The following GSE1 variants were observed in gnomAD, a reference collection of about 807,000 sequenced individuals.
GSE1 encodes genetic suppressor element 1.
Under a neutral mutation model 112.6 loss-of-function variants are expected in GSE1, and 32 were observed. The observed-to-expected ratio is 0.28, with a 90% CI of 0.21 to 0.38. The LOEUF is 0.38. GSE1 is among the 10% of genes least tolerant of loss of function. The probability of loss-of-function intolerance (pLI) is 1.00; values close to 1 mark genes in which losing one functional copy is unlikely to be tolerated. For synonymous variants in GSE1, 1,115 were observed against 735.6 expected, an observed-to-expected ratio of 1.52 and a Z score of -8.35; for missense variants, 2,348 against 1,699.2, an observed-to-expected ratio of 1.38 and a Z score of -6.71.
intron 1 of GSE1, among the ~76,000 whole-genome samples, chr16:85,292,625 C>A (rs1329808501): frequency 6.6e-6 from 1 of 152,076 alleles, no homozygotes; most frequent in Non-Finnish European, 1.5e-5. Context: ...CTGTGCCTGG[C>A]CTAATTTTTG....
At chr16:85,238,497 CCTG>C (rs1225864285) in intron 1 of GSE1, among the ~76,000 whole-genome samples, 1 of 152,126 alleles carries the variant, frequency 6.6e-6, no homozygotes, top group Non-Finnish European at 1.5e-5. Context: ...TGAGGGCCGC[CCTG>C]GCCTCGGCGT....
chr16:85,567,046 A>G (rs1054362592), intron 1 of GSE1, among the ~76,000 whole-genome samples: 1 of 87,660 alleles, frequency 1.1e-5, no homozygotes, highest in East Asian at 4.4e-4. Flanking sequence ...CCCCACCCCC[A>G]CCCCCACCCC....
At chr16:85,169,683 C>T (rs886276643) in exon 1 of GSE1, 10 of 983,184 alleles carry the variant, frequency 1.0e-5, no homozygotes, top group Non-Finnish European at 1.1e-5. Flanking sequence ...CGGCGGCGGG[C>T]GCGGGGACCC....
At chr16:85,434,389 C>G (rs1567483958) in intron 2 of GSE1, among the ~76,000 whole-genome samples, 1 of 151,952 alleles carries the variant, frequency 6.6e-6, no homozygotes, top group Non-Finnish European at 1.5e-5. Flanking sequence ...CAGCGCTTTA[C>G]TTGTATGTGT....
chr16:85,356,709 C>G (rs1000431881), intron 1 of GSE1, among the ~76,000 whole-genome samples: 2 of 152,172 alleles, frequency 1.3e-5, no homozygotes, highest in Non-Finnish European at 2.9e-5. Context: ...CCAGGCTGGT[C>G]TGGAACTCTT....
At chr16:85,422,815 G>C (rs1165657317) in intron 2 of GSE1, among the ~76,000 whole-genome samples, 1 of 152,144 alleles carries the variant, frequency 6.6e-6, no homozygotes, top group African/African-American at 2.4e-5. Flanking sequence ...ACTCTGGAAA[G>C]CAGGCATTGG....
At chr16:85,331,453 A>G (rs1022178833) in intron 1 of GSE1, among the ~76,000 whole-genome samples, 76 of 143,474 alleles carry the variant, frequency 5.3e-4, no homozygotes, top group African/African-American at 1.9e-3. Flanking sequence ...GTATATATGT[A>G]TATATATGTG....
chr16:85,618,311 C>T (rs1007886535), intron 1 of GSE1, among the ~76,000 whole-genome samples: 2 of 152,126 alleles, frequency 1.3e-5, no homozygotes, highest in African/African-American at 4.8e-5. Flanking sequence ...ATGCAGAGGC[C>T]CTCTGGCAGT....
chr16:85,617,129 C>G (rs1320215464), intron 1 of GSE1, among the ~76,000 whole-genome samples: 1 of 152,234 alleles, frequency 6.6e-6, no homozygotes, highest in Non-Finnish European at 1.5e-5. Context: ...CCCGTCTGCT[C>G]CAAAGCCCAC....
At chr16:85,382,915 TACATGCACACACGCGCACACAACACGTAC>T (rs2047585892) in intron 2 of GSE1, among the ~76,000 whole-genome samples, 1 of 149,966 alleles carries the variant, frequency 6.7e-6, no homozygotes, top group African/African-American at 2.5e-5. Context: ...TGTGCACACA[TACATGCACACACGCGCACACAACACGTAC>T]ACATGCACAC....
intron 1 of GSE1, among the ~76,000 whole-genome samples, chr16:85,198,018 G>A (rs537170482): frequency 3.9e-5 from 6 of 152,130 alleles, no homozygotes; most frequent in African/African-American, 1.4e-4. Context: ...GCCTCCTACC[G>A]AGAGCACCCC....
intron 2 of GSE1, among the ~76,000 whole-genome samples, chr16:85,520,569 C>T (rs778162549): frequency 6.6e-5 from 10 of 151,870 alleles, no homozygotes; most frequent in Non-Finnish European, 1.2e-4. Flanking sequence ...TTACAGGCGC[C>T]CACCACCACA....
At chr16:85,274,040 G>C (rs2144204096) in intron 1 of GSE1, among the ~76,000 whole-genome samples, 1 of 151,646 alleles carries the variant, frequency 6.6e-6, no homozygotes, top group East Asian at 1.9e-4. Context: ...GAAGTAGATA[G>C]AGGTAGTGGC....
At chr16:85,542,482 G>C (rs1209362212) in intron 2 of GSE1, among the ~76,000 whole-genome samples, 1 of 152,226 alleles carries the variant, frequency 6.6e-6, no homozygotes, top group East Asian at 1.9e-4. Flanking sequence ...CCGCTGTGCA[G>C]AACTTAACAG....
At chr16:85,465,707 G>GTTT (rs1048284415) in intron 2 of GSE1, among the ~76,000 whole-genome samples, 16 of 152,120 alleles carry the variant, frequency 1.1e-4, no homozygotes, top group African/African-American at 3.1e-4. Context: ...CTATGTTGTT[G>GTTT]TTTTTCTCAG....
chr16:85,652,395 C>T (rs1220853553), intron 3 of GSE1, among the ~76,000 whole-genome samples: 1 of 152,222 alleles, frequency 6.6e-6, no homozygotes, highest in African/African-American at 2.4e-5. Flanking sequence ...CCACGCAGGG[C>T]GTCAGTGCCC....
chr16:85,235,301 TG>T (rs1221308543), intron 1 of GSE1, among the ~76,000 whole-genome samples: 1 of 150,944 alleles, frequency 6.6e-6, no homozygotes, highest in African/African-American at 2.4e-5. Context: ...CCCCCACTGC[TG>T]GGGGGTGACG....
chr16:85,207,258 G>T (rs1395992849), intron 1 of GSE1, among the ~76,000 whole-genome samples: 2 of 152,194 alleles, frequency 1.3e-5, no homozygotes, highest in Non-Finnish European at 2.9e-5. Flanking sequence ...AGAAGCCCTG[G>T]CCTGGCCCCT....
At chr16:85,553,263 C>G (rs1409443475), upstream of GSE1, among the ~76,000 whole-genome samples, 1 of 149,332 alleles carries the variant, frequency 6.7e-6, no homozygotes, top group African/African-American at 2.4e-5. Flanking sequence ...GGGCAGGTGC[C>G]GGACCCCGAC....
Sources: allele counts gnomAD v4.1 joint callset (sites outside exome capture counted in the v4.1 genomes callset), GRCh38; gene constraint gnomAD v4.1.1; transcripts MANE v1.5; gene names NCBI Gene and HGNC (gene_info 2026-07-23, HGNC 2026-07-21).